The following TGFBR2 variants were observed in gnomAD, a reference collection of about 807,000 sequenced individuals.
TGFBR2 encodes the protein transforming growth factor beta receptor 2, also known as TGF-beta receptor type-2.
TGFBR2 carries 18 observed loss-of-function variants against 49.0 expected under a neutral mutation model. That is an observed-to-expected ratio of 0.37 (90% CI 0.25 to 0.54). TGFBR2 has a LOEUF of 0.54. Ranked by LOEUF, TGFBR2 falls within the 20% of genes least tolerant of loss-of-function variation. The pLI is 0.85. For missense variants in TGFBR2, 525 were observed against 722.6 expected (o/e 0.73, Z 3.13); for synonymous variants, 282 against 275.9 (o/e 1.02, Z -0.22).
intron 3 of TGFBR2, among the ~76,000 whole-genome samples, chr3:30,656,153 G>A (rs1427123140): frequency 1.3e-5 from 2 of 152,168 alleles, no homozygotes; most frequent in East Asian, 3.8e-4. Context: ...TCTAAAGCCT[G>A]GTCATTTGGA....
chr3:30,636,647 T>C (rs1024990657), intron 1 of TGFBR2, among the ~76,000 whole-genome samples: 4 of 152,284 alleles, frequency 2.6e-5, no homozygotes, highest in African/African-American at 4.8e-5. Context: ...TATTTTCCTT[T>C]TACAGGGCCA....
At chr3:30,667,414 T>C (rs966605564) in intron 3 of TGFBR2, among the ~76,000 whole-genome samples, 1 of 152,222 alleles carries the variant, frequency 6.6e-6, no homozygotes. Flanking sequence ...TCCCAAAGCT[T>C]CCTTCCAGCC....
intron 6 of TGFBR2, 59 bp downstream of exon 6, chr3:30,688,570 C>T (rs1699663087): frequency 2.5e-6 from 4 of 1,607,836 alleles, no homozygotes. Context: ...TCTTAGGTGG[C>T]AGAGAATTCT....
intron 4 of TGFBR2, 134 bp from the exon 5 acceptor site, chr3:30,673,971 T>G (rs1699386492): frequency 1.0e-6 from 1 of 990,038 alleles, no homozygotes; most frequent in Non-Finnish European, 1.6e-6. Context: ...TGTGCATTTC[T>G]CATTCTTTAA....
chr3:30,677,257 T>C (rs1356439311), intron 5 of TGFBR2, among the ~76,000 whole-genome samples: 1 of 152,134 alleles, frequency 6.6e-6, no homozygotes, highest in Non-Finnish European at 1.5e-5. Context: ...TTTTACAAGG[T>C]CTAAAAACAG....
chr3:30,674,983 G>C (rs1699410447), intron 5 of TGFBR2, among the ~76,000 whole-genome samples: 1 of 152,068 alleles, frequency 6.6e-6, no homozygotes, highest in East Asian at 1.9e-4. Flanking sequence ...TTCACTGTTA[G>C]AGGCTGTTAC....
intron 3 of TGFBR2, among the ~76,000 whole-genome samples, chr3:30,670,905 G>C (rs1699325118): frequency 1.3e-5 from 2 of 152,352 alleles, no homozygotes; most frequent in South Asian, 4.1e-4. Context: ...ACTGTCCAAA[G>C]AGATCCTTTC....
At chr3:30,641,150 C>T (rs762132155) in intron 1 of TGFBR2, among the ~76,000 whole-genome samples, 7 of 152,100 alleles carry the variant, frequency 4.6e-5, no homozygotes, top group African/African-American at 1.4e-4. Context: ...CTTGGGATGC[C>T]TTAACTGGAT....
chr3:30,634,069 C>T (rs1444843103), intron 1 of TGFBR2, among the ~76,000 whole-genome samples: 1 of 152,118 alleles, frequency 6.6e-6, no homozygotes, highest in Non-Finnish European at 1.5e-5. Flanking sequence ...CTTTCAGGTA[C>T]CAGGCATGCA....
At chr3:30,650,541 A>G (rs1172854862) in intron 3 of TGFBR2, 81 bp downstream of exon 3, 4 of 1,434,220 alleles carry the variant, frequency 2.8e-6, no homozygotes, top group Non-Finnish European at 3.9e-6. Flanking sequence ...GTCATAGAGC[A>G]CATTCCTCCT....
chr3:30,673,650 T>C (rs1175970690), intron 4 of TGFBR2, among the ~76,000 whole-genome samples: 1 of 152,218 alleles, frequency 6.6e-6, no homozygotes, highest in African/African-American at 2.4e-5. Context: ...TAAACAAAGA[T>C]TAAGACTCAG....
intron 3 of TGFBR2, among the ~76,000 whole-genome samples, chr3:30,651,901 AT>A (rs1339736977): frequency 6.6e-6 from 1 of 152,194 alleles, no homozygotes; most frequent in Non-Finnish European, 1.5e-5. Flanking sequence ...AATAGGTCTG[AT>A]TTAATTAAAA....
chr3:30,633,222 A>G (rs553053298), intron 1 of TGFBR2, among the ~76,000 whole-genome samples: 2 of 152,318 alleles, frequency 1.3e-5, no homozygotes, highest in South Asian at 2.1e-4. Flanking sequence ...TTCTCCATCT[A>G]TAAAATGTTA....
In TGFBR2 at chr3:30,621,278, C is replaced by T. The variant is rs75015692; in HGVS notation, c.94+14301C>T. 5.6e-4 allele frequency among the ~76,000 whole-genome samples: 65 copies of T among 116,216 alleles called. 1 individual carries two copies. Among genetic ancestry groups the T allele is most frequent in the Middle Eastern group, 5.6e-3 (1 of 180 alleles). 76.2% of individuals were successfully genotyped at this position (116,216 alleles called of 152,430 possible). On this transcript the variant is annotated intron_variant, in intron 1 of 6. Transcript: ENST00000295754. The stretch of plus-strand genomic sequence containing the variant: ...GAGATGAAATAAGAATTTTAATATT[C>T]TTTTTTTTTTTTTTTTTTTGAGACA...
At chr3:30,689,133 T>C (rs1401718535) in intron 6 of TGFBR2, among the ~76,000 whole-genome samples, 1 of 152,232 alleles carries the variant, frequency 6.6e-6, no homozygotes, top group African/African-American at 2.4e-5. Context: ...AACATCCTAA[T>C]GGCCTCTTAT....
chr3:30,617,934 G>A (rs962667954), intron 1 of TGFBR2, among the ~76,000 whole-genome samples: 1 of 152,212 alleles, frequency 6.6e-6, no homozygotes, highest in East Asian at 1.9e-4. Context: ...CCAAAGAGTA[G>A]CCAAATGATC....
chr3:30,682,823 G>C (rs1369528866), intron 5 of TGFBR2, among the ~76,000 whole-genome samples: 1 of 152,156 alleles, frequency 6.6e-6, no homozygotes, highest in Non-Finnish European at 1.5e-5. Context: ...ATCCCATAAG[G>C]TTCCCCTTCT....
chr3:30,652,151 C>T (rs1036097), intron 3 of TGFBR2, among the ~76,000 whole-genome samples: 62,113 of 151,494 alleles, frequency 0.41, 13,180 homozygotes, highest in Admixed American at 0.5. Context: ...GTCAGGGCAA[C>T]GCTTTCCAGA....
chr3:30,642,240 A>G (rs374244064), intron 1 of TGFBR2, among the ~76,000 whole-genome samples: 4 of 152,266 alleles, frequency 2.6e-5, no homozygotes, highest in African/African-American at 9.6e-5. Context: ...CAAGGGAACT[A>G]ATTCCAGCTA....
Sources: allele counts gnomAD v4.1 joint callset (sites outside exome capture counted in the v4.1 genomes callset), GRCh38; gene constraint gnomAD v4.1.1; transcripts MANE v1.5; gene names NCBI Gene and HGNC (gene_info 2026-07-23, HGNC 2026-07-21).